The following NUP210L variants were observed in gnomAD, a reference collection of about 807,000 sequenced individuals.
NUP210L encodes the protein nucleoporin 210 like.
NUP210L carries 74 observed loss-of-function variants against 208.5 expected under a neutral mutation model. That is an observed-to-expected ratio of 0.35 (90% CI 0.29 to 0.43). The LOEUF is 0.43. NUP210L is among the 20% of genes least tolerant of loss of function. NUP210L has a pLI of 1.00. For synonymous variants in NUP210L, 780 were observed against 816.9 expected, an observed-to-expected ratio of 0.95 and a Z score of 0.77; for missense variants, 1,843 against 2,289.4, an observed-to-expected ratio of 0.81 and a Z score of 3.98.
At chr1:154,027,709 A>G (rs1449659433) in intron 28 of NUP210L, 112 bp from the exon 29 acceptor site, 1 of 646,558 alleles carries the variant, frequency 1.5e-6, no homozygotes, top group Non-Finnish European at 2.7e-6. Context: ...AATGACAACT[A>G]CGAATCAACA....
At chr1:154,081,602 G>C (rs1655331832) in intron 16 of NUP210L, among the ~76,000 whole-genome samples, 1 of 152,168 alleles carries the variant, frequency 6.6e-6, no homozygotes, top group African/African-American at 2.4e-5. Flanking sequence ...GAAAAGAGGA[G>C]GGCTGGTGAT....
chr1:154,149,842 A>G (rs1659298107), intron 2 of NUP210L, among the ~76,000 whole-genome samples: 1 of 152,268 alleles, frequency 6.6e-6, no homozygotes, highest in East Asian at 1.9e-4. Context: ...ATAATATAAC[A>G]GATATTTTTA....
intron 2 of NUP210L, among the ~76,000 whole-genome samples, chr1:154,149,779 G>C (rs1329484964): frequency 6.6e-6 from 1 of 152,136 alleles, no homozygotes; most frequent in African/African-American, 2.4e-5. Context: ...AGAATGATTA[G>C]GAGAAATATC....
intron 12 of NUP210L, among the ~76,000 whole-genome samples, chr1:154,109,112 CAA>C (rs568683251): frequency 1.8e-4 from 28 of 151,390 alleles, no homozygotes; most frequent in Non-Finnish European, 3.1e-4. Context: ...AAAACAAAAA[CAA>C]AAACAAAAAC....
At chr1:154,030,174 G>T in intron 27 of NUP210L, 120 bp from the exon 28 acceptor site, 2 of 620,260 alleles carry the variant, frequency 3.2e-6, no homozygotes, top group Non-Finnish European at 4.9e-6. Flanking sequence ...TCAGGAAAGG[G>T]TGGGAGGGGG....
chr1:154,152,622 T>C, intron 2 of NUP210L, 114 bp downstream of exon 2: 1 of 949,112 alleles, frequency 1.1e-6, no homozygotes, highest in Non-Finnish European at 1.6e-6. Context: ...AGGAATCATT[T>C]ATTCTCCCTT....
At position 154,152,726 on chromosome 1, in the gene NUP210L, C is replaced by G. The variant is rs371573174; in HGVS notation, c.340+10G>C. ...AGAAGTGATACATAGTGTTTTTGCTCTCAACATACCTATTTCTCGAGCAAG... is the reference window on the plus strand; with the variant it reads ...AGAAGTGATACATAGTGTTTTTGCTGTCAACATACCTATTTCTCGAGCAAG... On this transcript the variant is annotated intron_variant, in intron 2 of 39. Coordinates refer to ENST00000368559, the Ensembl canonical transcript of NUP210L. 1.2e-5 allele frequency: 20 copies of G among 1,611,860 alleles called. No homozygotes were observed. In the Middle Eastern group the frequency reaches 4.9e-4, roughly 40 times the overall value.
At chr1:154,059,531 C>A (rs1654034476) in intron 20 of NUP210L, among the ~76,000 whole-genome samples, 1 of 151,962 alleles carries the variant, frequency 6.6e-6, no homozygotes, top group Admixed American at 6.6e-5. Context: ...TAGTAAAGAG[C>A]AGAATTTATG....
At chr1:154,087,996 T>G (rs748739346) in intron 16 of NUP210L, among the ~76,000 whole-genome samples, 2 of 152,170 alleles carry the variant, frequency 1.3e-5, no homozygotes, top group Non-Finnish European at 2.9e-5. Context: ...GAAAATGACC[T>G]GAAGTTAGAT....
intron 14 of NUP210L, among the ~76,000 whole-genome samples, chr1:154,099,628 A>G (rs776308310): frequency 6.6e-6 from 1 of 152,230 alleles, no homozygotes; most frequent in Non-Finnish European, 1.5e-5. Flanking sequence ...AGAGTACACT[A>G]ATATACTAAC....
At chr1:154,054,201 A>C (rs1194555535) in intron 25 of NUP210L, 27 bp downstream of exon 25, 20 of 1,611,834 alleles carry the variant, frequency 1.2e-5, no homozygotes, top group Admixed American at 1.7e-5. Flanking sequence ...AGAAGAATAG[A>C]AGCAGAGCAG....
rs185925840 is a variant in NUP210L at position 154,038,593 on chromosome 1, C to G, written c.3696+7476G>C. Among the ~76,000 whole-genome samples, 382 of 152,178 alleles carry G rather than the reference C, an allele frequency of 2.5e-3. 3 individuals carry two copies. The highest frequency in any genetic ancestry group is 8.9e-3 in the African/African-American group (371 of 41,524). On this transcript the variant is annotated intron_variant, in intron 27 of 39. Transcript: ENST00000368559. The stretch of plus-strand genomic sequence containing the variant: ...CTCCTGACCTCAGGTGACCTGCCTG[C>G]CTTGGCCTCCCAAAGTACTAGGGTT...
intron 33 of NUP210L, among the ~76,000 whole-genome samples, chr1:154,018,183 G>C (rs900231326): frequency 1.3e-5 from 2 of 151,946 alleles, no homozygotes. Flanking sequence ...TGTTGGCCAG[G>C]CTGTTCTCGA....
At chr1:154,104,950 CTG>C (rs1160558753) in intron 12 of NUP210L, among the ~76,000 whole-genome samples, 2 of 152,066 alleles carry the variant, frequency 1.3e-5, no homozygotes, top group Non-Finnish European at 2.9e-5. Context: ...GCTCATAACT[CTG>C]TGAGAGTTTC....
chr1:154,027,296 A>G (rs1335419078), intron 29 of NUP210L, among the ~76,000 whole-genome samples: 2 of 152,128 alleles, frequency 1.3e-5, no homozygotes, highest in Non-Finnish European at 2.9e-5. Context: ...GGAACTAGAT[A>G]GAGATGCTGA....
chr1:154,015,612 T>A (rs1651192863), intron 33 of NUP210L, among the ~76,000 whole-genome samples: 1 of 151,790 alleles, frequency 6.6e-6, no homozygotes, highest in African/African-American at 2.4e-5. Flanking sequence ...CCCAGCTACA[T>A]GGGAGGCTGA....
intron 16 of NUP210L, among the ~76,000 whole-genome samples, chr1:154,081,939 G>A (rs374004049): frequency 6.6e-6 from 1 of 152,060 alleles, no homozygotes; most frequent in African/African-American, 2.4e-5. Context: ...CCATAATCAC[G>A]CCATTGCACT....
chr1:154,086,176 CACTCCAGCCTGGGCAATAGAGTGAG>C (rs1312367387), intron 16 of NUP210L, among the ~76,000 whole-genome samples: 6 of 149,168 alleles, frequency 4.0e-5, no homozygotes, highest in Admixed American at 6.7e-5. Context: ...CACACCACTG[CACTCCAGCCTGGGCAATAGAGTGAG>C]ACTCAGTCTC....
intron 5 of NUP210L, among the ~76,000 whole-genome samples, chr1:154,139,130 T>C (rs1658700449): frequency 6.6e-6 from 1 of 152,090 alleles, no homozygotes. Flanking sequence ...TAGTTGGGCA[T>C]GGTGACACAC....
Sources: gnomAD v4.1 joint callset for allele counts (sites outside exome capture counted in the v4.1 genomes callset) on GRCh38, gnomAD v4.1.1 for gene constraint, MANE v1.5 for transcripts, NCBI Gene and HGNC (gene_info 2026-07-23, HGNC 2026-07-21) for gene names.